Variants in UBE2Q2 observed in about 807,000 individuals in gnomAD.
UBE2Q2 encodes the protein ubiquitin-conjugating enzyme E2 Q2.
Under a neutral mutation model 59.9 loss-of-function variants are expected in UBE2Q2, and 54 were observed. The observed-to-expected ratio is 0.90, with a 90% CI of 0.72 to 1.13. UBE2Q2 has a LOEUF of 1.13. UBE2Q2 is among the 50% of genes most tolerant of loss of function. The probability of loss-of-function intolerance (pLI) is 0.00; values close to 1 mark genes in which losing one functional copy is unlikely to be tolerated. For missense variants in UBE2Q2, 433 were observed against 441.9 expected, an observed-to-expected ratio of 0.98 and a Z score of 0.18; for synonymous variants, 165 against 155.2, an observed-to-expected ratio of 1.06 and a Z score of -0.47.
chr15:75,844,634 A>T, intron 1 of UBE2Q2: 1 of 843,740 alleles, frequency 1.2e-6, no homozygotes, highest in Non-Finnish European at 1.8e-6. Flanking sequence ...CTCACTCATT[A>T]AGCGGAAATC....
rs1284139762 is a variant in UBE2Q2, at chr15:75,890,866, A to G, written c.934-53A>G. The G allele has an allele frequency of 2.0e-6, 3 of 1,513,998 alleles. No individual in the cohort carries two copies. The Admixed American group carries it at 5.1e-5, about 26-fold the overall frequency. 93.8% of individuals were successfully genotyped at this position (1,513,998 alleles called of 1,614,324 possible). On this transcript the variant is annotated intron_variant, in intron 10 of 12. Coordinates refer to ENST00000267938, the MANE Select transcript of UBE2Q2 (RefSeq NM_173469.4). ...ATATACCATTTTGTTAGGCCTTCCC[A>G]AGTGGGAATCAGAAATACTACTGTA...
intron 9 of UBE2Q2, among the ~76,000 whole-genome samples, chr15:75,890,157 C>T (rs1232166161): frequency 1.3e-5 from 2 of 152,086 alleles, no homozygotes; most frequent in Non-Finnish European, 2.9e-5. Context: ...ATATTTAGGG[C>T]TAAGTTCTTA....
chr15:75,868,647 T>TTAAATTAGATTTAATTTACATAA lies in UBE2Q2; in HGVS notation c.388-303_388-302insAAATTAGATTTAATTTACATAAT, dbSNP rs543624932. 2.6e-5 allele frequency among the ~76,000 whole-genome samples: 4 copies of TTAAATTAGATTTAATTTACATAA among 152,358 alleles called. No individual in the cohort carries two copies. In the South Asian group the frequency reaches 8.3e-4, roughly 32 times the overall value. On this transcript the variant is annotated intron_variant, in intron 3 of 12. Coordinates refer to ENST00000267938, the MANE Select transcript of UBE2Q2 (RefSeq NM_173469.4). ...CATATAGCCATATAAGTAAAATGTT[T>TTAAATTAGATTTAATTTACATAA]TCTTATTTTAAATTAGATTATGTTT... is the stretch of plus-strand genomic sequence containing the variant.
intron 4 of UBE2Q2, among the ~76,000 whole-genome samples, chr15:75,871,947 A>G (rs550725183): frequency 5.3e-5 from 8 of 152,336 alleles, no homozygotes; most frequent in African/African-American, 1.9e-4. Context: ...GTGGATGGGA[A>G]CATGACTGAG....
chr15:75,856,225 G>GTATGTGTA (rs1373680872), intron 2 of UBE2Q2, among the ~76,000 whole-genome samples: 2 of 145,454 alleles, frequency 1.4e-5, no homozygotes, highest in Non-Finnish European at 3.0e-5. Context: ...GTTTATACAT[G>GTATGTGTA]TATGTGTATA....
At chr15:75,885,899 G>T (rs1008871081) in intron 9 of UBE2Q2, among the ~76,000 whole-genome samples, 1 of 152,132 alleles carries the variant, frequency 6.6e-6, no homozygotes, top group Admixed American at 6.5e-5. Flanking sequence ...AAAACCTCAT[G>T]ATCAGTTTTG....
rs751740844 is a variant in UBE2Q2, at chr15:75,859,966, C to T, written c.371C>T (p.Pro124Leu). The part of the protein sequence containing the change: ...KHLDVEMLDQ[P>L]LPTGQNGTTE... ...CTGGATGTTGAGATGCTAGATCAACCACTACCCACGGGTCAGGTAAAGTAA... is the reference window on the plus strand; with the variant it reads ...CTGGATGTTGAGATGCTAGATCAACTACTACCCACGGGTCAGGTAAAGTAA... Residue 124 changes from proline to leucine, a missense_variant, in exon 3 of 13, where the codon CCA (proline) becomes CTA (leucine). Coordinates refer to ENST00000267938, the MANE Select transcript of UBE2Q2 (RefSeq NM_173469.4). The T allele has an allele frequency of 6.3e-7, 1 of 1,599,988 alleles. No individual in the cohort carries two copies. The highest frequency in any genetic ancestry group is 1.3e-5 in the African/African-American group (1 of 74,230).
chr15:75,873,605 T>C, intron 5 of UBE2Q2, 37 bp downstream of exon 5: 1 of 1,584,596 alleles, frequency 6.3e-7, no homozygotes, highest in South Asian at 1.2e-5. Context: ...TGGACTTTTG[T>C]GGTTAAATAA....
chr15:75,889,808 G>T (rs1898993544), intron 9 of UBE2Q2, among the ~76,000 whole-genome samples: 1 of 152,162 alleles, frequency 6.6e-6, no homozygotes, highest in African/African-American at 2.4e-5. Flanking sequence ...GAAAGATAAA[G>T]GTTAAAAATC....
intron 6 of UBE2Q2, 62 bp downstream of exon 6, chr15:75,876,333 A>C: frequency 2.8e-6 from 4 of 1,410,520 alleles, no homozygotes; most frequent in Non-Finnish European, 3.9e-6. Context: ...TTGTCAGATT[A>C]TAAATGTCAT....
In UBE2Q2 at chr15:75,896,561, T is replaced by A. The variant is rs1056466029; in HGVS notation, c.1030-434T>A. ...GATTTCTAACTTAAAATGTCATTCATATGTATAGTTGTGGAAGCTTAATAT... is the reference window on the plus strand; with the variant it reads ...GATTTCTAACTTAAAATGTCATTCAAATGTATAGTTGTGGAAGCTTAATAT... On this transcript the variant is annotated intron_variant, in intron 11 of 12. Coordinates refer to ENST00000267938, the MANE Select transcript of UBE2Q2 (RefSeq NM_173469.4). Among the ~76,000 whole-genome samples, 5 of 152,362 alleles carry A rather than the reference T, an allele frequency of 3.3e-5. No homozygotes were observed. The South Asian group carries it at 1.0e-3, about 32-fold the overall frequency.
intron 11 of UBE2Q2, among the ~76,000 whole-genome samples, chr15:75,891,333 A>G (rs1899094176): frequency 2.6e-5 from 4 of 152,168 alleles, no homozygotes; most frequent in South Asian, 2.1e-4. Context: ...ATTAGTATGT[A>G]TAGTGTAGTA....
intron 3 of UBE2Q2, among the ~76,000 whole-genome samples, 188 bp downstream of exon 3, chr15:75,860,170 G>A (rs1267903994): frequency 6.6e-6 from 1 of 152,076 alleles, no homozygotes; most frequent in Non-Finnish European, 1.5e-5. Context: ...GGAGCTGCTG[G>A]TATTTACTAT....
chr15:75,883,841 C>T (rs8024168), intron 9 of UBE2Q2, among the ~76,000 whole-genome samples: 12 of 536 alleles, frequency 0.022, no homozygotes, highest in South Asian at 0.25. Flanking sequence ...TTTATACATA[C>T]ACACACACAC....
chr15:75,853,340 A>G (rs1896729944), intron 1 of UBE2Q2, among the ~76,000 whole-genome samples: 1 of 151,988 alleles, frequency 6.6e-6, no homozygotes, highest in Admixed American at 6.6e-5. Flanking sequence ...GCGTGGTGGC[A>G]TGTGCTTGTT....
intron 11 of UBE2Q2, among the ~76,000 whole-genome samples, chr15:75,892,985 G>A (rs1477246446): frequency 1.3e-5 from 2 of 152,222 alleles, no homozygotes; most frequent in South Asian, 2.1e-4. Context: ...AGAGAGACAT[G>A]AGGATAGATG....
chr15:75,857,756 G>T (rs1208875844), intron 2 of UBE2Q2, among the ~76,000 whole-genome samples: 1 of 121,328 alleles, frequency 8.2e-6, no homozygotes, highest in Non-Finnish European at 1.8e-5. Context: ...TCTGTTGTAG[G>T]CAAAAAAAAA....
chr15:75,872,533 CTTTTTTTTTTTT>C (rs374099581), intron 4 of UBE2Q2, among the ~76,000 whole-genome samples: 4 of 114,794 alleles, frequency 3.5e-5, no homozygotes, highest in African/African-American at 9.8e-5. Context: ...TTTTCTTTTC[CTTTTTTTTTTTT>C]TTTTTTTTTG....
intron 9 of UBE2Q2, among the ~76,000 whole-genome samples, chr15:75,884,492 A>G (rs576143110): frequency 6.6e-5 from 10 of 152,264 alleles, no homozygotes; most frequent in Non-Finnish European, 2.9e-5. Flanking sequence ...AATACATACT[A>G]ACTTTGGTGT....
Sources: gnomAD v4.1 joint callset for allele counts (sites outside exome capture counted in the v4.1 genomes callset) on GRCh38, gnomAD v4.1.1 for gene constraint, MANE v1.5 for transcripts, NCBI Gene and HGNC (gene_info 2026-07-23, HGNC 2026-07-21) for gene names.